Variants in ACOXL observed in about 807,000 individuals in gnomAD.
ACOXL encodes the protein acyl-CoA oxidase like, also known as acyl-coenzyme A oxidase-like protein.
A neutral mutation model predicts 71.9 loss-of-function variants in ACOXL; 70 were observed. The ratio of observed to expected loss-of-function variants is 0.97; its 90% CI spans 0.80 to 1.19. ACOXL has a LOEUF of 1.19. Ranked by LOEUF, ACOXL falls within the 50% of genes most tolerant of loss-of-function variation. The probability of loss-of-function intolerance (pLI) is 0.00; values close to 1 mark genes in which losing one functional copy is unlikely to be tolerated. For synonymous variants in ACOXL, 253 were observed against 281.6 expected, an observed-to-expected ratio of 0.90 and a Z score of 1.02; for missense variants, 703 against 736.3, an observed-to-expected ratio of 0.95 and a Z score of 0.52.
intron 2 of ACOXL, among the ~76,000 whole-genome samples, chr2:110,771,485 A>T (rs1681921525): frequency 6.6e-6 from 1 of 152,140 alleles, no homozygotes. Context: ...TGTAATGATG[A>T]TGTTCTAGGG....
chr2:110,890,286 A>G (rs1175949446), intron 10 of ACOXL, among the ~76,000 whole-genome samples: 1 of 137,000 alleles, frequency 7.3e-6, no homozygotes, highest in Admixed American at 7.2e-5. Context: ...GATTTTCTTT[A>G]ACTTTCTTGA....
At chr2:111,011,166 A>G (rs1404785468) in intron 14 of ACOXL, among the ~76,000 whole-genome samples, 1 of 152,222 alleles carries the variant, frequency 6.6e-6, no homozygotes, top group African/African-American at 2.4e-5. Flanking sequence ...GATAGGTTGT[A>G]GTGTAAATGG....
At chr2:110,923,022 C>G (rs1370111556) in intron 11 of ACOXL, among the ~76,000 whole-genome samples, 2 of 152,160 alleles carry the variant, frequency 1.3e-5, no homozygotes, top group Non-Finnish European at 2.9e-5. Flanking sequence ...CCTCCTGCTT[C>G]TTTCATTCCC....
At chr2:110,944,631 A>G (rs929041925) in intron 12 of ACOXL, among the ~76,000 whole-genome samples, 3 of 152,154 alleles carry the variant, frequency 2.0e-5, no homozygotes, top group Non-Finnish European at 2.9e-5. Flanking sequence ...TTCGCTTAGG[A>G]TAATGGCCTC....
chr2:110,905,959 A>G (rs571473371), intron 10 of ACOXL, among the ~76,000 whole-genome samples: 2 of 152,012 alleles, frequency 1.3e-5, no homozygotes, highest in Non-Finnish European at 2.9e-5. Context: ...CTCTTCACCC[A>G]TCACCCCAAT....
At chr2:111,028,289 T>C (rs1221382158) in intron 14 of ACOXL, among the ~76,000 whole-genome samples, 1 of 152,060 alleles carries the variant, frequency 6.6e-6, no homozygotes, top group Non-Finnish European at 1.5e-5. Context: ...TTTGTTTGTT[T>C]TGGAGTTTTT....
chr2:110,778,641 G>A (rs78992378), intron 2 of ACOXL, among the ~76,000 whole-genome samples: 100 of 152,248 alleles, frequency 6.6e-4, no homozygotes, highest in Non-Finnish European at 1.0e-3. Flanking sequence ...AAGTGTGGAC[G>A]ATAACATTCT....
chr2:110,864,602 C>T (rs902630672), intron 10 of ACOXL, among the ~76,000 whole-genome samples: 6 of 152,204 alleles, frequency 3.9e-5, no homozygotes, highest in Admixed American at 6.5e-5. Context: ...TCTTGCATGG[C>T]GATAGCCTTT....
At chr2:110,923,445 G>A (rs2060154751) in intron 11 of ACOXL, among the ~76,000 whole-genome samples, 1 of 152,062 alleles carries the variant, frequency 6.6e-6, no homozygotes, top group African/African-American at 2.4e-5. Context: ...GGTTTGACTG[G>A]TTAGATGTTT....
chr2:110,830,404 C>T (rs990855286), intron 9 of ACOXL, among the ~76,000 whole-genome samples: 2 of 152,088 alleles, frequency 1.3e-5, no homozygotes, highest in South Asian at 4.2e-4. Flanking sequence ...CTTAAAAATA[C>T]GTGTCTCTTT....
At chr2:110,880,907 C>G (rs1696557544) in intron 10 of ACOXL, among the ~76,000 whole-genome samples, 1 of 152,162 alleles carries the variant, frequency 6.6e-6, no homozygotes, top group African/African-American at 2.4e-5. Context: ...TATGGCAAAT[C>G]TGGTTTAGTT....
At chr2:110,878,195 C>G (rs528775971) in intron 10 of ACOXL, among the ~76,000 whole-genome samples, 1 of 151,932 alleles carries the variant, frequency 6.6e-6, no homozygotes, top group South Asian at 2.1e-4. Context: ...GTCAAAAGAA[C>G]GACCAAGGAA....
At chr2:110,832,453 G>A (rs1259314855) in intron 9 of ACOXL, among the ~76,000 whole-genome samples, 1 of 151,326 alleles carries the variant, frequency 6.6e-6, no homozygotes, top group Non-Finnish European at 1.5e-5. Flanking sequence ...CAGGAGAATG[G>A]CATGAACCCG....
chr2:110,870,164 G>A (rs1695099876), intron 10 of ACOXL, among the ~76,000 whole-genome samples: 1 of 152,188 alleles, frequency 6.6e-6, no homozygotes, highest in Admixed American at 6.5e-5. Flanking sequence ...GTTTCCCAGA[G>A]TCCCACCTGA....
rs574361859 is a variant in ACOXL, at chr2:110,754,587, TGA to T, written c.-22-13778_-22-13777del. Among the ~76,000 whole-genome samples the T allele has an allele frequency of 1.0e-3, 155 of 152,352 alleles. 1 individual carries two copies. The highest frequency in any genetic ancestry group is 3.6e-3 in the African/African-American group (148 of 41,572). ...GGAATTATGTAATATGTAACTGTTT[TGA>T]GATTGGCATTTTTTCACTCAACACA... On this transcript the variant is annotated intron_variant, in intron 1 of 17. Transcript: ENST00000439055.
rs1691142680 is a variant in ACOXL at position 110,841,278 on chromosome 2, A to G, written c.754-93A>G. ...TGTAGGGCATTTTAGAAAATCTTTA[A>G]AACGTAATTGGCCGTATCAAGTTAA... On this transcript the variant is annotated intron_variant, in intron 9 of 17. Transcript: ENST00000439055. 1.7e-5 allele frequency: 15 copies of G among 896,996 alleles called. No individual in the cohort carries two copies. In the East Asian group the frequency reaches 3.9e-4, roughly 23 times the overall value. The allele number at this position is 896,996 out of a possible 1,614,324, so 55.6% of individuals were successfully genotyped here.
chr2:110,897,780 A>G (rs1364887965), intron 10 of ACOXL, among the ~76,000 whole-genome samples: 1 of 152,200 alleles, frequency 6.6e-6, no homozygotes, highest in African/African-American at 2.4e-5. Context: ...AAACAGAACA[A>G]TAGAGAATAT....
At chr2:110,855,607 A>G (rs148197120) in intron 10 of ACOXL, among the ~76,000 whole-genome samples, 419 of 152,322 alleles carry the variant, frequency 2.8e-3, no homozygotes, top group Admixed American at 4.6e-3. Context: ...CCTTTACCCA[A>G]TGCTTCACTT....
chr2:110,815,727 A>G (rs1450574404), intron 9 of ACOXL, among the ~76,000 whole-genome samples: 2 of 152,172 alleles, frequency 1.3e-5, no homozygotes, highest in African/African-American at 4.8e-5. Context: ...GAAGGAGGTA[A>G]ACTGAGGAGC....
Sources: allele counts gnomAD v4.1 joint callset (sites outside exome capture counted in the v4.1 genomes callset), GRCh38; gene constraint gnomAD v4.1.1; transcripts MANE v1.5; gene names NCBI Gene and HGNC (gene_info 2026-07-23, HGNC 2026-07-21).